Variants in LDB2 observed in about 807,000 individuals in gnomAD.
The protein encoded by LDB2 is LIM domain binding 2, also known as LIM domain-binding protein 2.
Under a neutral mutation model 44.3 loss-of-function variants are expected in LDB2, and 12 were observed. That is an observed-to-expected ratio of 0.27 (90% CI 0.17 to 0.44). The LOEUF is 0.44. Among genes scored for constraint, LDB2 ranks in the 20% least tolerant of loss-of-function variants. The pLI is 1.00. For synonymous variants in LDB2, 164 were observed against 174.8 expected, an observed-to-expected ratio of 0.94 and a Z score of 0.49; for missense variants, 344 against 473.5, an observed-to-expected ratio of 0.73 and a Z score of 2.54.
At chr4:16,653,412 A>G (rs1268574567) in intron 2 of LDB2, among the ~76,000 whole-genome samples, 1 of 152,236 alleles carries the variant, frequency 6.6e-6, no homozygotes. Flanking sequence ...TGACAACAAC[A>G]ACAAAGCAAC....
chr4:16,522,210 C>T (rs1388849084), intron 5 of LDB2, among the ~76,000 whole-genome samples: 1 of 151,986 alleles, frequency 6.6e-6, no homozygotes, highest in East Asian at 1.9e-4. Flanking sequence ...TCACAGAAGA[C>T]ACTTTAAAAC....
intron 1 of LDB2, among the ~76,000 whole-genome samples, chr4:16,849,131 T>A (rs1379399220): frequency 6.6e-6 from 1 of 152,226 alleles, no homozygotes; most frequent in Admixed American, 6.5e-5. Flanking sequence ...TTCATCCATA[T>A]TCATTTTTTT....
intron 1 of LDB2, among the ~76,000 whole-genome samples, chr4:16,763,814 G>T (rs1435806811): frequency 3.3e-5 from 5 of 151,966 alleles, no homozygotes; most frequent in Non-Finnish European, 7.4e-5. Flanking sequence ...TATGATTTCT[G>T]CCTCTTAATA....
chr4:16,766,571 T>C (rs1769343666), intron 1 of LDB2, among the ~76,000 whole-genome samples: 2 of 150,354 alleles, frequency 1.3e-5, no homozygotes, highest in African/African-American at 2.5e-5. Context: ...AATGGCGCAA[T>C]CTTGGCTCAC....
chr4:16,765,863 C>T (rs1353263593), intron 1 of LDB2, among the ~76,000 whole-genome samples: 3 of 152,192 alleles, frequency 2.0e-5, no homozygotes, highest in Non-Finnish European at 4.4e-5. Flanking sequence ...AATTATCTCA[C>T]ACCTACACTG....
At chr4:16,556,636 G>C (rs1739705479) in intron 5 of LDB2, among the ~76,000 whole-genome samples, 1 of 152,224 alleles carries the variant, frequency 6.6e-6, no homozygotes, top group Non-Finnish European at 1.5e-5. Flanking sequence ...TAATAAGGAA[G>C]TAATGGTTTA....
intron 6 of LDB2, 98 bp downstream of exon 6, chr4:16,511,883 A>C: frequency 7.3e-7 from 1 of 1,374,606 alleles, no homozygotes; most frequent in Non-Finnish European, 9.9e-7. Flanking sequence ...ACTTGTCCTG[A>C]TAAATTAATG....
chr4:16,878,531 G>A (rs1397408381), intron 1 of LDB2, among the ~76,000 whole-genome samples: 2 of 152,166 alleles, frequency 1.3e-5, no homozygotes, highest in Non-Finnish European at 2.9e-5. Context: ...TGAGCAGCCT[G>A]AGTGTTGTTT....
chr4:16,785,794 A>AC (rs1774293573), intron 1 of LDB2, among the ~76,000 whole-genome samples: 1 of 152,158 alleles, frequency 6.6e-6, no homozygotes, highest in Non-Finnish European at 1.5e-5. Flanking sequence ...TATCTTCTCT[A>AC]CCACTTCTCA....
intron 2 of LDB2, among the ~76,000 whole-genome samples, chr4:16,685,478 C>T (rs954885334): frequency 2.6e-5 from 4 of 152,088 alleles, no homozygotes; most frequent in Admixed American, 6.5e-5. Context: ...TCAGAGGACA[C>T]GGTGAGATGA....
chr4:16,759,712 C>G (rs1350843460), intron 1 of LDB2, among the ~76,000 whole-genome samples: 4 of 152,040 alleles, frequency 2.6e-5, no homozygotes, highest in Non-Finnish European at 5.9e-5. Flanking sequence ...AGAGATGTTC[C>G]TAGCTCTACT....
At chr4:16,850,532 G>C (rs1440305012) in intron 1 of LDB2, among the ~76,000 whole-genome samples, 1 of 152,148 alleles carries the variant, frequency 6.6e-6, no homozygotes. Flanking sequence ...AGAACACAAG[G>C]ATGTCAGGTT....
chr4:16,541,145 C>A (rs75365729), intron 5 of LDB2, among the ~76,000 whole-genome samples: 6 of 151,988 alleles, frequency 3.9e-5, no homozygotes, highest in African/African-American at 1.5e-4. Context: ...ATGTCCCCAC[C>A]AAATCTCATG....
chr4:16,628,412 G>C (rs1730895050), intron 2 of LDB2, among the ~76,000 whole-genome samples: 1 of 152,050 alleles, frequency 6.6e-6, no homozygotes, highest in South Asian at 2.1e-4. Flanking sequence ...TCCTACAGAG[G>C]GCCCTGGACT....
chr4:16,692,660 C>G (rs1751072865), intron 2 of LDB2, among the ~76,000 whole-genome samples: 1 of 152,272 alleles, frequency 6.6e-6, no homozygotes, highest in East Asian at 1.9e-4. Flanking sequence ...CCCACACCCC[C>G]TCAAGCTGGT....
At chr4:16,566,378 C>A (rs1744526883) in intron 5 of LDB2, among the ~76,000 whole-genome samples, 1 of 152,128 alleles carries the variant, frequency 6.6e-6, no homozygotes, top group Admixed American at 6.5e-5. Flanking sequence ...CAGAAATGGG[C>A]TCGAATACTT....
At chr4:16,881,499 C>T (rs1008923799) in intron 1 of LDB2, among the ~76,000 whole-genome samples, 36 of 152,032 alleles carry the variant, frequency 2.4e-4, no homozygotes, top group African/African-American at 8.5e-4. Flanking sequence ...CATCCAGGCT[C>T]CTGCCTTCAT....
intron 1 of LDB2, among the ~76,000 whole-genome samples, chr4:16,847,863 G>T (rs557378748): frequency 6.6e-6 from 1 of 152,162 alleles, no homozygotes; most frequent in Non-Finnish European, 1.5e-5. Flanking sequence ...TGATCCACCC[G>T]CCTTGGCCTC....
chr4:16,747,431 T>A (rs952040537), intron 2 of LDB2, among the ~76,000 whole-genome samples: 8 of 152,210 alleles, frequency 5.3e-5, no homozygotes, highest in African/African-American at 1.9e-4. Context: ...TCTTTTATGG[T>A]CCTATTGAAG....
Sources: allele counts gnomAD v4.1 joint callset (sites outside exome capture counted in the v4.1 genomes callset), GRCh38; gene constraint gnomAD v4.1.1; transcripts MANE v1.5; gene names NCBI Gene and HGNC (gene_info 2026-07-23, HGNC 2026-07-21).